The following ADAMTS12 variants were observed in gnomAD, a reference collection of about 807,000 sequenced individuals.
ADAMTS12 encodes the protein A disintegrin and metalloproteinase with thrombospondin motifs 12.
In ADAMTS12, 118 loss-of-function variants were observed where a neutral mutation model predicts 167.8. The ratio of observed to expected loss-of-function variants is 0.70; its 90% CI spans 0.61 to 0.82. The LOEUF (loss-of-function observed/expected upper bound fraction) is 0.82, where lower values mean the gene tolerates loss of function less well. ADAMTS12 is among the 40% of genes least tolerant of loss of function. The probability of loss-of-function intolerance (pLI) is 0.00; values close to 1 mark genes in which losing one functional copy is unlikely to be tolerated. For missense variants in ADAMTS12, 1,916 were observed against 1,998.8 expected (o/e 0.96, Z 0.79); for synonymous variants, 704 against 716.9 (o/e 0.98, Z 0.29).
At chr5:33,873,894 A>C (rs1750130444) in intron 2 of ADAMTS12, among the ~76,000 whole-genome samples, 1 of 152,188 alleles carries the variant, frequency 6.6e-6, no homozygotes, top group Non-Finnish European at 1.5e-5. Context: ...AAACTAACAC[A>C]ATAAATCTTA....
At chr5:33,704,680 A>T (rs7734388) in intron 3 of ADAMTS12, among the ~76,000 whole-genome samples, 93,324 of 151,976 alleles carry the variant, frequency 0.61, 29,817 homozygotes, top group Non-Finnish European at 0.69. Context: ...CCTCTGCCTA[A>T]TTTTTAAATG....
intron 2 of ADAMTS12, among the ~76,000 whole-genome samples, chr5:33,753,238 C>T (rs1745057999): frequency 2.0e-5 from 3 of 152,212 alleles, no homozygotes; most frequent in South Asian, 2.1e-4. Flanking sequence ...ACGCCAATAG[C>T]AGTTACATCT....
At chr5:33,850,487 G>A (rs575711196) in intron 2 of ADAMTS12, among the ~76,000 whole-genome samples, 2 of 152,238 alleles carry the variant, frequency 1.3e-5, no homozygotes, top group East Asian at 3.9e-4. Flanking sequence ...CAAAGTTACA[G>A]AGCTAATGAC....
intron 2 of ADAMTS12, among the ~76,000 whole-genome samples, chr5:33,858,405 C>A (rs146795420): frequency 6.6e-6 from 1 of 152,254 alleles, no homozygotes; most frequent in African/African-American, 2.4e-5. Flanking sequence ...GCCTATAATC[C>A]CAGCACTTTG....
intron 20 of ADAMTS12, among the ~76,000 whole-genome samples, chr5:33,551,081 C>T (rs573321158): frequency 1.3e-5 from 2 of 152,272 alleles, no homozygotes; most frequent in Non-Finnish European, 1.5e-5. Flanking sequence ...TCTGGCTCTT[C>T]TCTCTGAAGG....
intron 2 of ADAMTS12, among the ~76,000 whole-genome samples, chr5:33,878,273 G>A (rs1750302160): frequency 2.7e-5 from 3 of 112,372 alleles, no homozygotes; most frequent in Non-Finnish European, 3.3e-5. Flanking sequence ...ATTTGGCTTT[G>A]GGTGCCTTTT....
chr5:33,648,822 T>A lies in ADAMTS12; in HGVS notation c.1479A>T (p.Glu493Asp), dbSNP rs756641775. Residue 493 changes from glutamate (E) to aspartate (D), a missense_variant and splice_region_variant, in exon 9 of 24, where the codon GAA becomes GAT. Glu to Asp is a conservative substitution (Grantham distance 45). Transcript: ENST00000504830. ...TATAGCCACCAAGAGGTACACTTAC[T>A]TCTACTTCCTGGCAGAAGGTAGCAT... ...GPNATFCQEV[E>D]NVCQTLWCSV... 9 of 1,613,956 alleles carry A rather than the reference T, an allele frequency of 5.6e-6. No homozygotes were observed. The highest frequency in any genetic ancestry group is 7.6e-6 in the Non-Finnish European group (9 of 1,179,964).
chr5:33,807,011 A>G (rs1437746156), intron 2 of ADAMTS12, among the ~76,000 whole-genome samples: 4 of 152,050 alleles, frequency 2.6e-5, no homozygotes. Context: ...AAAACCCATT[A>G]ATGGTTTTCC....
intron 3 of ADAMTS12, among the ~76,000 whole-genome samples, chr5:33,702,168 A>G (rs1355139615): frequency 6.6e-6 from 1 of 152,178 alleles, no homozygotes. Context: ...CATAACTAGA[A>G]AGTCATTCCT....
chr5:33,526,866 G>T lies in ADAMTS12; in HGVS notation c.*322C>A. The T allele has an allele frequency of 4.4e-6, 1 of 225,946 alleles. No individual in the cohort carries two copies. The highest frequency in any genetic ancestry group is 9.4e-5 in the East Asian group (1 of 10,690). 14.0% of individuals were successfully genotyped at this position (225,946 alleles called of 1,614,324 possible). On this transcript the variant is annotated 3_prime_UTR_variant, in exon 24 of 24. Transcript: ENST00000504830. ...AGTCAGGGAAATAGCTGGTCTCTTTGTTTTTATCTTTAAGGGAGAACAAAA... is the reference window on the plus strand; with the variant it reads ...AGTCAGGGAAATAGCTGGTCTCTTTTTTTTTATCTTTAAGGGAGAACAAAA...
In ADAMTS12 at chr5:33,661,939, G is replaced by A. The variant is rs78871731; in HGVS notation, c.1017C>T (p.His339=). Reference sequence around the variant, plus strand: ...ACCTGGTGAGAAGGACAGCCACGTCGTGATGAACAGGATTGAGGTCACTCT... The same window carrying A: ...ACCTGGTGAGAAGGACAGCCACGTCATGATGAACAGGATTGAGGTCACTCT... ...NPKSDLNPVH[H]DVAVLLTRKD... The change falls in exon 6 of 24, where the codon CAC becomes CAT. Residue 339 remains histidine (H), a synonymous_variant. Transcript: ENST00000504830. 423 of 1,613,366 alleles carry A rather than the reference G, an allele frequency of 2.6e-4. 2 individuals carry two copies. In the African/African-American group the frequency reaches 3.9e-3, roughly 15 times the overall value.
intron 5 of ADAMTS12, among the ~76,000 whole-genome samples, chr5:33,667,317 C>CAAAAAA (rs5867201): frequency 2.6e-5 from 2 of 78,382 alleles, no homozygotes; most frequent in Non-Finnish European, 2.4e-5. Flanking sequence ...GACTCTGTCT[C>CAAAAAA]AAAAAAAAAA....
intron 18 of ADAMTS12, among the ~76,000 whole-genome samples, chr5:33,580,029 G>A (rs1400440617): frequency 6.6e-6 from 1 of 152,170 alleles, no homozygotes; most frequent in Non-Finnish European, 1.5e-5. Flanking sequence ...CTGGTTTACT[G>A]CTGGATGTTT....
At chr5:33,661,153 CAAG>C (rs931861151) in intron 6 of ADAMTS12, among the ~76,000 whole-genome samples, 3 of 152,114 alleles carry the variant, frequency 2.0e-5, no homozygotes, top group Non-Finnish European at 2.9e-5. Context: ...ATACGGAGCC[CAAG>C]AAGAATTTAC....
chr5:33,562,952 A>T (rs896839655), intron 19 of ADAMTS12, among the ~76,000 whole-genome samples: 1 of 152,074 alleles, frequency 6.6e-6, no homozygotes, highest in Non-Finnish European at 1.5e-5. Context: ...ATATAATTTT[A>T]TGTTTCATTT....
chr5:33,686,899 A>T (rs1005374079), intron 3 of ADAMTS12, among the ~76,000 whole-genome samples: 2 of 145,196 alleles, frequency 1.4e-5, no homozygotes, highest in South Asian at 4.6e-4. Flanking sequence ...ATATATACAC[A>T]TATTCTCTAT....
chr5:33,762,851 G>C (rs1712101609), intron 2 of ADAMTS12, among the ~76,000 whole-genome samples: 1 of 152,166 alleles, frequency 6.6e-6, no homozygotes, highest in Non-Finnish European at 1.5e-5. Context: ...AGAGAGGACG[G>C]GAGCTGAAGC....
At position 33,716,582 on chromosome 5, in the gene ADAMTS12, G is replaced by T. The variant is rs75568148; in HGVS notation, c.635-32527C>A. Among the ~76,000 whole-genome samples, 141 of 152,078 alleles carry T rather than the reference G, an allele frequency of 9.3e-4. 2 individuals are homozygous for T. Among genetic ancestry groups the T allele is most frequent in the African/African-American group, 3.3e-3 (136 of 41,496 alleles). On this transcript the variant is annotated intron_variant, in intron 3 of 23. Coordinates refer to ENST00000504830, the MANE Select transcript of ADAMTS12 (RefSeq NM_030955.4). The stretch of plus-strand genomic sequence containing the variant: ...TCCTATGAATCAGCCTTGTCATCCT[G>T]CTGTTTCTCTCATTATTGAGTTAAT...
At position 33,705,914 on chromosome 5, in the gene ADAMTS12, A is replaced by C. The variant is rs116831595; in HGVS notation, c.635-21859T>G. On this transcript the variant is annotated intron_variant, in intron 3 of 23. Transcript: ENST00000504830. ...AAAAAATATAACATATCTAGAAATA[A>C]ATTTAACCGATGTGAAAGACCTCTA... 2.4e-3 allele frequency among the ~76,000 whole-genome samples: 372 copies of C among 152,218 alleles called. 3 individuals are homozygous for C. Among genetic ancestry groups the C allele is most frequent in the African/African-American group, 8.5e-3 (354 of 41,542 alleles).
Sources: allele counts gnomAD v4.1 joint callset (sites outside exome capture counted in the v4.1 genomes callset), GRCh38; gene constraint gnomAD v4.1.1; transcripts MANE v1.5; gene names NCBI Gene and HGNC (gene_info 2026-07-23, HGNC 2026-07-21).